SGIP1: variants seen among roughly 807,000 people sequenced by gnomAD.
SGIP1 encodes the protein SH3GL interacting endocytic adaptor 1.
A neutral mutation model predicts 107.5 loss-of-function variants in SGIP1; 38 were observed. That is an observed-to-expected ratio of 0.35 (90% CI 0.27 to 0.46). The LOEUF is 0.46. Among genes scored for constraint, SGIP1 ranks in the 20% least tolerant of loss-of-function variants. The probability of loss-of-function intolerance (pLI) is 1.00; values close to 1 mark genes in which losing one functional copy is unlikely to be tolerated. For missense variants in SGIP1, 929 were observed against 1,019.5 expected (o/e 0.91, Z 1.21); for synonymous variants, 365 against 366.1 (o/e 1.00, Z 0.03).
intron 1 of SGIP1, among the ~76,000 whole-genome samples, chr1:66,559,610 G>A (rs971626477): frequency 2.6e-5 from 4 of 152,010 alleles, no homozygotes; most frequent in Non-Finnish European, 4.4e-5. Context: ...CTGGGCTTTC[G>A]TTTCTCTACT....
chr1:66,535,576 G>A (rs1419341899), intron 1 of SGIP1, among the ~76,000 whole-genome samples: 1 of 152,138 alleles, frequency 6.6e-6, no homozygotes, highest in African/African-American at 2.4e-5. Flanking sequence ...GTGATTTGGG[G>A]GAGTGAAGAA....
At chr1:66,551,263 G>A (rs1307856137) in intron 1 of SGIP1, among the ~76,000 whole-genome samples, 1 of 152,246 alleles carries the variant, frequency 6.6e-6, no homozygotes, top group Middle Eastern at 3.4e-3. Flanking sequence ...AATGATGTTG[G>A]ATGTTTCAGA....
chr1:66,672,575 G>A (rs531637687), intron 11 of SGIP1, among the ~76,000 whole-genome samples: 27 of 152,120 alleles, frequency 1.8e-4, no homozygotes, highest in Admixed American at 5.2e-4. Context: ...CCCCTTGCCC[G>A]TTACCATACC....
chr1:66,602,431 G>C (rs1347580195), intron 1 of SGIP1, among the ~76,000 whole-genome samples: 1 of 152,020 alleles, frequency 6.6e-6, no homozygotes, highest in African/African-American at 2.4e-5. Context: ...GACCATGATG[G>C]GTAATTTCTG....
chr1:66,744,164 T>A lies in SGIP1; in HGVS notation c.*1069T>A, dbSNP rs2094522986. On this transcript the variant is annotated 3_prime_UTR_variant, in exon 25 of 25. Transcript: ENST00000371037. Reference sequence around the variant, plus strand: ...TTTAGATCCAGAAGGAGAGTTTTAATCATTGTTTATATCATTTGAGAATGA... The same window carrying A: ...TTTAGATCCAGAAGGAGAGTTTTAAACATTGTTTATATCATTTGAGAATGA... 6.6e-6 allele frequency: 1 copy of A among 152,190 alleles called. No homozygotes were observed. The highest frequency in any genetic ancestry group is 2.4e-5 in the African/African-American group (1 of 41,460). The allele number at this position is 152,190 out of a possible 1,614,324, so 9.4% of individuals were successfully genotyped here. A position where few individuals can be genotyped will look rare whatever the true frequency, so the allele number is the denominator to read the frequency against.
At chr1:66,611,614 T>G (rs918941775) in intron 1 of SGIP1, among the ~76,000 whole-genome samples, 3 of 152,224 alleles carry the variant, frequency 2.0e-5, no homozygotes, top group Admixed American at 2.0e-4. Context: ...ATTCTCTTCC[T>G]TTTCCGTGGC....
intron 1 of SGIP1, among the ~76,000 whole-genome samples, chr1:66,606,593 T>G (rs944109031): frequency 6.6e-6 from 1 of 152,190 alleles, no homozygotes; most frequent in Non-Finnish European, 1.5e-5. Context: ...TCCATCATCA[T>G]GAGTCCAGAA....
chr1:66,695,861 G>T (rs2090813499), intron 18 of SGIP1, among the ~76,000 whole-genome samples: 1 of 152,142 alleles, frequency 6.6e-6, no homozygotes, highest in African/African-American at 2.4e-5. Context: ...ACAAATATAA[G>T]GACATTTTTG....
chr1:66,679,052 T>C (rs920247554), intron 13 of SGIP1, among the ~76,000 whole-genome samples: 1 of 152,242 alleles, frequency 6.6e-6, no homozygotes. Flanking sequence ...GTAGGGACCA[T>C]GATACTTGAT....
rs560955773 is a variant in SGIP1 at position 66,588,678 on chromosome 1, C to G, written c.11-37169C>G. ...TTTTTTTGCATTTTTAAAAATTTCACTCCAGACCTGTGATCTACAAAGCTC... is the reference window on the plus strand; with the variant it reads ...TTTTTTTGCATTTTTAAAAATTTCAGTCCAGACCTGTGATCTACAAAGCTC... On this transcript the variant is annotated intron_variant, in intron 1 of 24. Coordinates refer to ENST00000371037, the MANE Select transcript of SGIP1 (RefSeq NM_032291.4). Among the ~76,000 whole-genome samples the G allele has an allele frequency of 9.3e-5, 12 of 128,896 alleles. No homozygotes were observed. The East Asian group carries it at 2.9e-3, about 32-fold the overall frequency. The allele number at this position is 128,896 out of a possible 152,430, so 84.6% of individuals were successfully genotyped here. A position where few individuals can be genotyped will look rare whatever the true frequency, so the allele number is the denominator to read the frequency against.
At chr1:66,566,507 C>G (rs891084651) in intron 1 of SGIP1, among the ~76,000 whole-genome samples, 7 of 151,928 alleles carry the variant, frequency 4.6e-5, no homozygotes, top group African/African-American at 1.7e-4. Flanking sequence ...GCAGCAGAAT[C>G]TAGTCCAGTG....
intron 19 of SGIP1, among the ~76,000 whole-genome samples, chr1:66,726,144 C>T (rs1233623071): frequency 6.6e-6 from 1 of 152,208 alleles, no homozygotes; most frequent in Non-Finnish European, 1.5e-5. Context: ...AACAACCTAG[C>T]ACTACGTAAG....
chr1:66,711,079 C>G (rs2092884142), intron 18 of SGIP1, among the ~76,000 whole-genome samples: 1 of 152,110 alleles, frequency 6.6e-6, no homozygotes, highest in South Asian at 2.1e-4. Context: ...TCCAAGAACT[C>G]AATTATTAAT....
At chr1:66,542,627 G>A (rs2055266244) in intron 1 of SGIP1, among the ~76,000 whole-genome samples, 1 of 152,162 alleles carries the variant, frequency 6.6e-6, no homozygotes, top group South Asian at 2.1e-4. Context: ...GATGGCACGA[G>A]ATTTCATTAC....
chr1:66,651,438 A>G (rs2149580052), intron 7 of SGIP1, among the ~76,000 whole-genome samples: 1 of 152,278 alleles, frequency 6.6e-6, no homozygotes, highest in South Asian at 2.1e-4. Context: ...CTAATTGAGA[A>G]CTCTTAACCA....
intron 1 of SGIP1, among the ~76,000 whole-genome samples, chr1:66,586,669 C>G (rs1490811062): frequency 6.6e-6 from 1 of 152,060 alleles, no homozygotes; most frequent in Non-Finnish European, 1.5e-5. Context: ...AGCACCACAT[C>G]AGAAAGTATT....
At chr1:66,675,555 T>TTTTTTTTTTTTTTTTTTA in intron 12 of SGIP1, among the ~76,000 whole-genome samples, 1 of 142,030 alleles carries the variant, frequency 7.0e-6, no homozygotes, top group Admixed American at 7.0e-5. Flanking sequence ...TTTTTTTTTT[T>TTTTTTTTTTTTTTTTTTA]TTTTGACAGA....
At chr1:66,673,807 T>C (rs972794692) in intron 12 of SGIP1, among the ~76,000 whole-genome samples, 2 of 152,102 alleles carry the variant, frequency 1.3e-5, no homozygotes, top group Non-Finnish European at 2.9e-5. Flanking sequence ...AAGGCATCAA[T>C]TGGATTGCTC....
intron 9 of SGIP1, among the ~76,000 whole-genome samples, chr1:66,668,899 G>A (rs985304332): frequency 6.6e-6 from 1 of 152,186 alleles, no homozygotes; most frequent in African/African-American, 2.4e-5. Context: ...ACAAAGGGAG[G>A]TTTTTGAATC....
Sources: allele counts gnomAD v4.1 joint callset (sites outside exome capture counted in the v4.1 genomes callset), GRCh38; gene constraint gnomAD v4.1.1; transcripts MANE v1.5; gene names NCBI Gene and HGNC (gene_info 2026-07-23, HGNC 2026-07-21).